ZNF10: variants seen among roughly 807,000 people sequenced by gnomAD.
ZNF10 encodes the protein zinc finger protein 10.
Under a neutral mutation model 12.2 loss-of-function variants are expected in ZNF10, and 8 were observed. The observed-to-expected ratio is 0.66, with a 90% CI of 0.39 to 1.18. The LOEUF (loss-of-function observed/expected upper bound fraction) is 1.18. ZNF10 is among the 50% of genes most tolerant of loss of function. The pLI, the probability that ZNF10 is intolerant of heterozygous loss-of-function variation, is 0.01. For synonymous variants in ZNF10, 229 were observed against 228.2 expected (o/e 1.00, Z -0.03); for missense variants, 603 against 678.9 (o/e 0.89, Z 1.24).
chr12:133,146,772 G>C (rs898593441), intron 2 of ZNF10, among the ~76,000 whole-genome samples: 7 of 152,030 alleles, frequency 4.6e-5, no homozygotes, highest in Non-Finnish European at 1.0e-4. Flanking sequence ...CTTGAACTCA[G>C]GGAACAGAGG....
chr12:133,138,241 C>G (rs1006817161), intron 1 of ZNF10, among the ~76,000 whole-genome samples: 1 of 151,410 alleles, frequency 6.6e-6, no homozygotes, highest in Non-Finnish European at 1.5e-5. Context: ...TGAGTGAGAC[C>G]TAACCCAAAC....
intron 4 of ZNF10, among the ~76,000 whole-genome samples, chr12:133,154,769 A>G (rs1956028965): frequency 6.6e-6 from 1 of 152,184 alleles, no homozygotes; most frequent in Non-Finnish European, 1.5e-5. Context: ...GTATGGCTGC[A>G]TTCATGGTTT....
At chr12:133,136,146 T>C (rs895633157) in intron 1 of ZNF10, among the ~76,000 whole-genome samples, 2 of 152,194 alleles carry the variant, frequency 1.3e-5, no homozygotes, top group South Asian at 2.1e-4. Flanking sequence ...CTTCTTCCTT[T>C]AGAAGCCTGA....
intron 2 of ZNF10, among the ~76,000 whole-genome samples, chr12:133,145,805 AC>A (rs1163271406): frequency 9.5e-5 from 3 of 31,500 alleles, no homozygotes; most frequent in East Asian, 1.2e-3. Flanking sequence ...ACTCTGTCCC[AC>A]CCCCCCACCC....
At chr12:133,143,059 A>T (rs1314748048) in intron 1 of ZNF10, among the ~76,000 whole-genome samples, 1 of 152,224 alleles carries the variant, frequency 6.6e-6, no homozygotes, top group Non-Finnish European at 1.5e-5. Context: ...AACCTTGAAA[A>T]ATGTATACTG....
chr12:133,137,017 G>A (rs913901310), intron 1 of ZNF10, among the ~76,000 whole-genome samples: 3 of 152,200 alleles, frequency 2.0e-5, no homozygotes, highest in East Asian at 1.9e-4. Flanking sequence ...TCTCTAGTAC[G>A]TAACCCTTCT....
chr12:133,138,951 A>G (rs1955928757), intron 1 of ZNF10, among the ~76,000 whole-genome samples: 1 of 152,254 alleles, frequency 6.6e-6, no homozygotes, highest in South Asian at 2.1e-4. Context: ...ACATCCATAC[A>G]AAGTACATAT....
At chr12:133,150,264 A>G (rs1218830920) in intron 2 of ZNF10, among the ~76,000 whole-genome samples, 3 of 152,162 alleles carry the variant, frequency 2.0e-5, no homozygotes, top group East Asian at 3.9e-4. Flanking sequence ...TCGGGCAACA[A>G]ATTCTGTTAG....
intron 1 of ZNF10, among the ~76,000 whole-genome samples, chr12:133,140,222 A>G (rs12305496): frequency 0.34 from 42,342 of 123,078 alleles, 8,920 homozygotes; most frequent in African/African-American, 0.52. Context: ...AAAAAAAAAA[A>G]AAAAAAAAAG....
At position 133,157,803 on chromosome 12, in the gene ZNF10, C is replaced by T. The variant is rs1956051627; in HGVS notation, c.*835C>T. ...TTGGGTCACAGAGTTCCACTTTTTCCACTCTTATTAGCACTGCAAAAGCTC... is the reference window on the plus strand; with the variant it reads ...TTGGGTCACAGAGTTCCACTTTTTCTACTCTTATTAGCACTGCAAAAGCTC... On this transcript the variant is annotated 3_prime_UTR_variant, in exon 5 of 5. Transcript: ENST00000248211. 1 of 152,062 alleles carries T rather than the reference C, an allele frequency of 6.6e-6. No homozygotes were observed. The highest frequency in any genetic ancestry group is 6.6e-5 in the Admixed American group (1 of 15,258). 9.4% of individuals were successfully genotyped at this position (152,062 alleles called of 1,614,324 possible).
At chr12:133,152,608 G>T (rs1239568616) in intron 4 of ZNF10, among the ~76,000 whole-genome samples, 1 of 152,258 alleles carries the variant, frequency 6.6e-6, no homozygotes, top group East Asian at 1.9e-4. Context: ...GAGAGATAGG[G>T]TTTTACCATG....
chr12:133,133,795 G>A (rs532191428), intron 1 of ZNF10, among the ~76,000 whole-genome samples: 6 of 152,258 alleles, frequency 3.9e-5, no homozygotes, highest in South Asian at 2.1e-4. Context: ...CCTTCTTGCC[G>A]ATACTTGGAG....
In ZNF10 at chr12:133,157,874, G is replaced by A. The variant is rs1956052065; in HGVS notation, c.*906G>A. On this transcript the variant is annotated 3_prime_UTR_variant, in exon 5 of 5. Transcript: ENST00000248211. The stretch of plus-strand genomic sequence containing the variant: ...TAATTCTCTGGATGTTAGGACCTAG[G>A]GGAACATTGGGCATTTGAACATATC... 6.6e-6 allele frequency: 1 copy of A among 152,114 alleles called. No individual in the cohort carries two copies. Among genetic ancestry groups the A allele is most frequent in the Non-Finnish European group, 1.5e-5 (1 of 68,026 alleles). The allele number at this position is 152,114 out of a possible 1,614,324, so 9.4% of individuals were successfully genotyped here.
chr12:133,136,999 G>A (rs1194014364), intron 1 of ZNF10, among the ~76,000 whole-genome samples: 2 of 151,988 alleles, frequency 1.3e-5, no homozygotes, highest in Middle Eastern at 3.2e-3. Context: ...AAAACCAATC[G>A]CATCATTTCT....
chr12:133,158,564 C>T lies in ZNF10; in HGVS notation c.*1596C>T, dbSNP rs1376924378. On this transcript the variant is annotated 3_prime_UTR_variant, in exon 5 of 5. Transcript: ENST00000248211. ...TCAGATTCTCTGGTAAGTTAATAAC[C>T]CACAAAAGATTCAGGAAGAGGATCT... is the stretch of plus-strand genomic sequence containing the variant. 1 of 152,132 alleles carries T rather than the reference C, an allele frequency of 6.6e-6. No homozygotes were observed. The highest frequency in any genetic ancestry group is 1.9e-4 in the East Asian group (1 of 5,192). 9.4% of individuals were successfully genotyped at this position (152,132 alleles called of 1,614,324 possible).
At chr12:133,152,001 C>A in intron 4 of ZNF10, 97 bp downstream of exon 4, 3 of 879,446 alleles carry the variant, frequency 3.4e-6, no homozygotes, top group South Asian at 3.1e-5. Flanking sequence ...TCCTCACAGG[C>A]CCTTCTTCCT....
At chr12:133,139,400 G>A (rs1955931432) in intron 1 of ZNF10, among the ~76,000 whole-genome samples, 1 of 152,212 alleles carries the variant, frequency 6.6e-6, no homozygotes, top group East Asian at 1.9e-4. Flanking sequence ...ATAGGGAAAT[G>A]TATGGTAGTT....
chr12:133,134,634 A>G (rs1955900669), intron 1 of ZNF10, among the ~76,000 whole-genome samples: 2 of 152,338 alleles, frequency 1.3e-5, no homozygotes, highest in South Asian at 4.1e-4. Context: ...GCAATGGAAA[A>G]CTAATATAGC....
intron 1 of ZNF10, among the ~76,000 whole-genome samples, chr12:133,140,606 G>A (rs1161028522): frequency 1.3e-5 from 2 of 152,008 alleles, no homozygotes; most frequent in Non-Finnish European, 2.9e-5. Context: ...GTTGGGGCAA[G>A]AGGTTAATTC....
Sources: allele counts gnomAD v4.1 joint callset (sites outside exome capture counted in the v4.1 genomes callset), GRCh38; gene constraint gnomAD v4.1.1; transcripts MANE v1.5; gene names NCBI Gene and HGNC (gene_info 2026-07-23, HGNC 2026-07-21).